The following IKBKB-DT variants were observed in gnomAD, a reference collection of about 807,000 sequenced individuals.
IKBKB-DT encodes IKBKB divergent transcript.
chr8:42,249,458 TG>T (rs1408618362), intron 3 of IKBKB-DT: 8 of 149,194 alleles, frequency 5.4e-5, no homozygotes, highest in South Asian at 2.1e-4. Context: ...TATATATATA[TG>T]TTTTTTTATT....
intron 3 of IKBKB-DT, among the ~76,000 whole-genome samples, chr8:42,246,631 C>T (rs1281764909): frequency 6.6e-6 from 1 of 152,170 alleles, no homozygotes; most frequent in Non-Finnish European, 1.5e-5. Flanking sequence ...TGGATACCTT[C>T]TTGATCTTGT....
At chr8:42,271,185 C>G in exon 1 of IKBKB-DT, 1 of 609,640 alleles carries the variant, frequency 1.6e-6, no homozygotes, top group African/African-American at 1.9e-5. Context: ...CACCCCCGCC[C>G]CGGGGGAGTC....
At chr8:42,266,325 A>G (rs1807369181) in exon 2 of IKBKB-DT, 2 of 152,190 alleles carry the variant, frequency 1.3e-5, no homozygotes, top group African/African-American at 4.8e-5. Flanking sequence ...TTCTCCTTCT[A>G]TGATTCAGCT....
intron 3 of IKBKB-DT, among the ~76,000 whole-genome samples, chr8:42,243,413 GA>G (rs1180736413): frequency 2.6e-5 from 4 of 152,180 alleles, no homozygotes; most frequent in Admixed American, 6.5e-5. Context: ...AGAAGAAAGA[GA>G]AAAAAATAAT....
chr8:42,253,074 C>A (rs1044640730), intron 3 of IKBKB-DT, among the ~76,000 whole-genome samples: 6 of 152,164 alleles, frequency 3.9e-5, no homozygotes, highest in African/African-American at 1.4e-4. Context: ...AACGAAGAGT[C>A]TAGCACCTTT....
chr8:42,258,970 T>C (rs774664881), intron 3 of IKBKB-DT, among the ~76,000 whole-genome samples: 2 of 152,192 alleles, frequency 1.3e-5, no homozygotes, highest in Non-Finnish European at 2.9e-5. Flanking sequence ...TCTATGAATA[T>C]ACCATTTTAT....
intron 3 of IKBKB-DT, among the ~76,000 whole-genome samples, chr8:42,260,015 A>AAG (rs957946092): frequency 1.2e-4 from 18 of 149,990 alleles, no homozygotes; most frequent in South Asian, 2.1e-4. Flanking sequence ...AGAGAGAGAA[A>AAG]AGAGAGAGAG....
rs773177896 is a variant in IKBKB-DT at position 42,241,224 on chromosome 8, C to CT, written n.1530-7366dup. On this transcript the variant is annotated intron_variant and non_coding_transcript_variant, in intron 3 of 3. Coordinates refer to ENST00000518213, the Ensembl canonical transcript of IKBKB-DT. ...TTGATGCCTTTAGATATGTTGGAAT[C>CT]TTTTTTTTTTTTTTTTTTTTTTTTT... 5.9e-4 allele frequency among the ~76,000 whole-genome samples: 27 copies of CT among 45,692 alleles called. 6 individuals carry two copies. The highest frequency in any genetic ancestry group is 1.1e-3 in the Non-Finnish European group (25 of 22,100). The allele number at this position is 45,692 out of a possible 152,430, so 30.0% of individuals were successfully genotyped here. A position where few individuals can be genotyped will look rare whatever the true frequency, so the allele number is the denominator to read the frequency against.
chr8:42,254,222 T>C (rs967687189), intron 3 of IKBKB-DT, among the ~76,000 whole-genome samples: 1 of 152,236 alleles, frequency 6.6e-6, no homozygotes, highest in Non-Finnish European at 1.5e-5. Flanking sequence ...AGGTGCATAA[T>C]AGTTTTTTTT....
chr8:42,250,487 C>T (rs1375436159), intron 3 of IKBKB-DT, among the ~76,000 whole-genome samples: 2 of 152,186 alleles, frequency 1.3e-5, no homozygotes, highest in Non-Finnish European at 2.9e-5. Flanking sequence ...ATCCTCCTAG[C>T]CTGGTGCTCC....
At chr8:42,264,722 C>CT (rs1270320675) in intron 2 of IKBKB-DT, among the ~76,000 whole-genome samples, 1 of 152,008 alleles carries the variant, frequency 6.6e-6, no homozygotes, top group East Asian at 1.9e-4. Flanking sequence ...TCATGCCCAG[C>CT]TAATTTTTGT....
At chr8:42,250,262 G>C (rs1025981979) in intron 3 of IKBKB-DT, among the ~76,000 whole-genome samples, 6 of 152,078 alleles carry the variant, frequency 3.9e-5, no homozygotes, top group African/African-American at 1.2e-4. Flanking sequence ...GTCACTTCTG[G>C]GTGGGGCCAC....
At chr8:42,270,711 A>G (rs1219729743) in exon 1 of IKBKB-DT, 2 of 152,304 alleles carry the variant, frequency 1.3e-5, no homozygotes, top group African/African-American at 4.8e-5. Context: ...GGACATTCTG[A>G]TTCCAAGCAG....
At chr8:42,267,240 G>A (rs796641215) in intron 1 of IKBKB-DT, among the ~76,000 whole-genome samples, 3 of 151,890 alleles carry the variant, frequency 2.0e-5, no homozygotes, top group African/African-American at 7.2e-5. Flanking sequence ...TCCTGACCTC[G>A]TGATCCACCT....
chr8:42,254,602 A>G (rs28496124), intron 3 of IKBKB-DT, among the ~76,000 whole-genome samples: 19,976 of 135,078 alleles, frequency 0.15, 2,965 homozygotes, highest in African/African-American at 0.4. Flanking sequence ...AGTGAGAAGC[A>G]CCTCTCCCCG....
intron 1 of IKBKB-DT, among the ~76,000 whole-genome samples, chr8:42,268,958 A>C (rs1807421843): frequency 6.6e-6 from 1 of 152,080 alleles, no homozygotes; most frequent in Non-Finnish European, 1.5e-5. Flanking sequence ...TGTTACAACT[A>C]TTTACTCATG....
chr8:42,251,374 A>G (rs947683387), intron 3 of IKBKB-DT, among the ~76,000 whole-genome samples: 5 of 152,336 alleles, frequency 3.3e-5, no homozygotes, highest in South Asian at 4.1e-4. Flanking sequence ...CTAATAGCCT[A>G]AAACTTTCCT....
chr8:42,246,243 G>T (rs1394233227), intron 3 of IKBKB-DT, among the ~76,000 whole-genome samples: 1 of 152,098 alleles, frequency 6.6e-6, no homozygotes, highest in Non-Finnish European at 1.5e-5. Flanking sequence ...GTCCAGGGTG[G>T]TCTCAAACTC....
chr8:42,266,476 C>T (rs1338464456), intron 1 of IKBKB-DT: 3 of 152,226 alleles, frequency 2.0e-5, no homozygotes, highest in Non-Finnish European at 2.9e-5. Flanking sequence ...CTTTGACTTA[C>T]TCTGTGAACA....
Sources: gnomAD v4.1 joint callset for allele counts (sites outside exome capture counted in the v4.1 genomes callset) on GRCh38, gnomAD v4.1.1 for gene constraint, MANE v1.5 for transcripts, NCBI Gene and HGNC (gene_info 2026-07-23, HGNC 2026-07-21) for gene names.